PRDM5: variants seen among roughly 807,000 people sequenced by gnomAD.
PRDM5 encodes the protein PR/SET domain 5, also known as PR domain zinc finger protein 5.
In PRDM5, 56 loss-of-function variants were observed where a neutral mutation model predicts 81.2. The ratio of observed to expected loss-of-function variants is 0.69; its 90% CI spans 0.56 to 0.86. PRDM5 has a LOEUF of 0.86. Ranked by LOEUF, PRDM5 falls within the 40% of genes least tolerant of loss-of-function variation. The pLI is 0.00. For missense variants in PRDM5, 697 were observed against 770.1 expected (o/e 0.91, Z 1.12); for synonymous variants, 267 against 256.4 (o/e 1.04, Z -0.39).
At chr4:120,736,784 C>G (rs17051237) in intron 14 of PRDM5, among the ~76,000 whole-genome samples, 3,550 of 152,216 alleles carry the variant, frequency 0.023, 137 homozygotes, top group African/African-American at 0.081. Flanking sequence ...ATCCAGGTAT[C>G]CAAGAAACAC....
At chr4:120,812,708 C>A in intron 7 of PRDM5, 1 of 341,398 alleles carries the variant, frequency 2.9e-6, no homozygotes. Context: ...AATATTTTCT[C>A]CCATTCTGTG....
chr4:120,826,142 G>A (rs556998537), intron 3 of PRDM5, among the ~76,000 whole-genome samples: 1 of 152,184 alleles, frequency 6.6e-6, no homozygotes, highest in Admixed American at 6.5e-5. Flanking sequence ...AGCTTACCAA[G>A]TGAACTCCCA....
At chr4:120,892,662 T>C (rs1412514352) in intron 2 of PRDM5, among the ~76,000 whole-genome samples, 1 of 147,854 alleles carries the variant, frequency 6.8e-6, no homozygotes, top group East Asian at 2.0e-4. Flanking sequence ...GAAGTTCTAA[T>C]GGGTGTGGCT....
chr4:120,887,095 G>A (rs1455413756), intron 2 of PRDM5, among the ~76,000 whole-genome samples: 7 of 151,940 alleles, frequency 4.6e-5, no homozygotes, highest in East Asian at 3.9e-4. Context: ...ACAGGCGCCC[G>A]CCACCACGCC....
intron 14 of PRDM5, among the ~76,000 whole-genome samples, chr4:120,743,843 A>C (rs1205103548): frequency 6.8e-6 from 1 of 147,994 alleles, no homozygotes; most frequent in Non-Finnish European, 1.5e-5. Context: ...AGACTTTAAC[A>C]CCCCACTGTC....
chr4:120,759,021 C>T (rs1050985989), intron 13 of PRDM5, among the ~76,000 whole-genome samples: 3 of 151,844 alleles, frequency 2.0e-5, no homozygotes, highest in Non-Finnish European at 4.4e-5. Flanking sequence ...ACCCAAAGTG[C>T]TGGGATTACA....
chr4:120,867,236 C>G (rs141379322), intron 2 of PRDM5, among the ~76,000 whole-genome samples: 1 of 152,048 alleles, frequency 6.6e-6, no homozygotes, highest in Non-Finnish European at 1.5e-5. Context: ...CCTACCTGGA[C>G]TTCTCACCCA....
At chr4:120,735,763 C>A (rs914924240) in intron 14 of PRDM5, among the ~76,000 whole-genome samples, 10 of 152,056 alleles carry the variant, frequency 6.6e-5, no homozygotes, top group Non-Finnish European at 1.0e-4. Context: ...CTTATCTCTG[C>A]CCAAAATCAC....
intron 8 of PRDM5, chr4:120,810,421 C>T (rs1753669534): frequency 6.6e-6 from 1 of 151,998 alleles, no homozygotes; most frequent in African/African-American, 2.4e-5. Flanking sequence ...TAAAAGGGTC[C>T]TCTGGATTGG....
chr4:120,699,541 C>T (rs889029979), intron 15 of PRDM5, among the ~76,000 whole-genome samples: 1 of 152,094 alleles, frequency 6.6e-6, no homozygotes, highest in Non-Finnish European at 1.5e-5. Flanking sequence ...ATGGAATTGG[C>T]GTTCTTCCCT....
At chr4:120,808,349 A>G (rs556899316) in intron 8 of PRDM5, among the ~76,000 whole-genome samples, 2 of 152,164 alleles carry the variant, frequency 1.3e-5, no homozygotes, top group African/African-American at 4.8e-5. Context: ...TGGACACAAA[A>G]GTTCTCCACG....
intron 14 of PRDM5, among the ~76,000 whole-genome samples, chr4:120,751,244 G>T (rs915417259): frequency 2.0e-5 from 3 of 152,092 alleles, no homozygotes; most frequent in Non-Finnish European, 4.4e-5. Flanking sequence ...AAGTGAAAAT[G>T]CTAGAGATGA....
chr4:120,778,491 A>G (rs575410469), intron 12 of PRDM5, among the ~76,000 whole-genome samples: 4 of 152,182 alleles, frequency 2.6e-5, no homozygotes, highest in Non-Finnish European at 5.9e-5. Context: ...TAACTTGTTA[A>G]CATTAACATA....
chr4:120,741,900 C>G lies in PRDM5; in HGVS notation c.1623+12653G>C, dbSNP rs1219878556. 1.8e-4 allele frequency among the ~76,000 whole-genome samples: 28 copies of G among 152,280 alleles called. No individual in the cohort carries two copies. The East Asian group carries it at 3.1e-3, about 17-fold the overall frequency. The stretch of plus-strand genomic sequence containing the variant: ...TTGCTTAGGTAAACAAAGCAGCCAG[C>G]CAGCTCAAACTGGGTGGAGCCCACC... On this transcript the variant is annotated intron_variant, in intron 14 of 15. Transcript: ENST00000264808.
chr4:120,744,687 T>C (rs2149120959), intron 14 of PRDM5, among the ~76,000 whole-genome samples: 1 of 151,184 alleles, frequency 6.6e-6, no homozygotes, highest in East Asian at 1.9e-4. Flanking sequence ...CTAGAAGAAA[T>C]GGATAAATTC....
intron 13 of PRDM5, among the ~76,000 whole-genome samples, chr4:120,769,218 C>T (rs1324239716): frequency 6.6e-6 from 1 of 152,106 alleles, no homozygotes; most frequent in Non-Finnish European, 1.5e-5. Flanking sequence ...CTTTCTAAGC[C>T]AGGCAGTGTG....
chr4:120,687,637 G>A (rs143617872), downstream of PRDM5, among the ~76,000 whole-genome samples: 45 of 152,112 alleles, frequency 3.0e-4, no homozygotes, highest in East Asian at 5.6e-3. Context: ...ATAATACTAC[G>A]GTTTGAATCT....
chr4:120,706,308 C>T (rs1308772417), intron 15 of PRDM5, among the ~76,000 whole-genome samples: 4 of 152,106 alleles, frequency 2.6e-5, no homozygotes, highest in Non-Finnish European at 5.9e-5. Context: ...AGAATATATG[C>T]AAACCATGGA....
intron 1 of PRDM5, among the ~76,000 whole-genome samples, chr4:120,922,067 T>C (rs1338390023): frequency 1.3e-5 from 2 of 152,162 alleles, no homozygotes; most frequent in African/African-American, 4.8e-5. Context: ...CTAGCCACAT[T>C]AATTCATCCT....
Sources: gnomAD v4.1 joint callset for allele counts (sites outside exome capture counted in the v4.1 genomes callset) on GRCh38, gnomAD v4.1.1 for gene constraint, MANE v1.5 for transcripts, NCBI Gene and HGNC (gene_info 2026-07-23, HGNC 2026-07-21) for gene names.